XYLT1: variants seen among roughly 807,000 people sequenced by gnomAD.
The protein encoded by XYLT1 is xylosyltransferase 1, also known as beta-D-xylosyltransferase 1.
In XYLT1, 36 loss-of-function variants were observed where a neutral mutation model predicts 91.3. The observed-to-expected ratio is 0.39, with a 90% CI of 0.30 to 0.52. The LOEUF (loss-of-function observed/expected upper bound fraction) is 0.52. Ranked by LOEUF, XYLT1 falls within the 20% of genes least tolerant of loss-of-function variation. The pLI is 0.68. For synonymous variants in XYLT1, 588 were observed against 532.0 expected (o/e 1.11, Z -1.45); for missense variants, 1,242 against 1,284.5 (o/e 0.97, Z 0.51).
intron 1 of XYLT1, among the ~76,000 whole-genome samples, chr16:17,435,870 T>C (rs1293491126): frequency 6.6e-6 from 1 of 152,238 alleles, no homozygotes; most frequent in African/African-American, 2.4e-5. Context: ...GAAGAATGCA[T>C]GACTTTATTT....
At chr16:17,292,658 G>A (rs2034248721) in intron 2 of XYLT1, among the ~76,000 whole-genome samples, 1 of 152,256 alleles carries the variant, frequency 6.6e-6, no homozygotes, top group Non-Finnish European at 1.5e-5. Flanking sequence ...AGGAGACGAT[G>A]CCACCAGAAT....
chr16:17,262,465 T>G (rs941495118), intron 2 of XYLT1, among the ~76,000 whole-genome samples: 1 of 152,228 alleles, frequency 6.6e-6, no homozygotes, highest in East Asian at 1.9e-4. Context: ...TCAGTTCCCC[T>G]GCAGTGGAAT....
intron 3 of XYLT1, among the ~76,000 whole-genome samples, chr16:17,237,205 A>G (rs1333688196): frequency 1.3e-5 from 2 of 152,230 alleles, no homozygotes; most frequent in East Asian, 3.8e-4. Flanking sequence ...CTGGTATTCA[A>G]CTTACAATCC....
At chr16:17,371,227 C>G (rs2035528063) in intron 1 of XYLT1, among the ~76,000 whole-genome samples, 1 of 152,234 alleles carries the variant, frequency 6.6e-6, no homozygotes, top group South Asian at 2.1e-4. Context: ...CTGCTACATA[C>G]TTTTGACAAC....
chr16:17,412,244 C>T (rs2036119199), intron 1 of XYLT1, among the ~76,000 whole-genome samples: 1 of 151,956 alleles, frequency 6.6e-6, no homozygotes, highest in Admixed American at 6.6e-5. Context: ...ACCGTGCAGC[C>T]CAGGTCCATG....
chr16:17,145,692 C>G (rs949157582), intron 6 of XYLT1, among the ~76,000 whole-genome samples: 2 of 152,156 alleles, frequency 1.3e-5, no homozygotes, highest in African/African-American at 4.8e-5. Flanking sequence ...AGATGAGATT[C>G]CTCACTTGCA....
At position 17,101,908 on chromosome 16, in the gene XYLT1, A is replaced by G. The variant is rs1374890794; in HGVS notation, c.*6787T>C. 1 of 152,252 alleles carries G rather than the reference A, an allele frequency of 6.6e-6. No homozygotes were observed. The highest frequency in any genetic ancestry group is 1.5e-5 in the Non-Finnish European group (1 of 68,064). The allele number at this position is 152,252 out of a possible 1,614,324, so 9.4% of individuals were successfully genotyped here. A position where few individuals can be genotyped will look rare whatever the true frequency, so the allele number is the denominator to read the frequency against. On this transcript the variant is annotated 3_prime_UTR_variant, in exon 12 of 12. Coordinates refer to ENST00000261381, the MANE Select transcript of XYLT1 (RefSeq NM_022166.4). ...GTCTGGGAAATGTAGTCTCTGTGGTAAAGAGGAAAGGAAAACACGTTTGCC... is the reference window on the plus strand; with the variant it reads ...GTCTGGGAAATGTAGTCTCTGTGGTGAAGAGGAAAGGAAAACACGTTTGCC...
chr16:17,379,756 C>CTCTT (rs1555501183), intron 1 of XYLT1, among the ~76,000 whole-genome samples: 1 of 134,998 alleles, frequency 7.4e-6, no homozygotes, highest in Non-Finnish European at 1.6e-5. Context: ...CTCTCTCTCT[C>CTCTT]TCTCTCTCAC....
intron 11 of XYLT1, among the ~76,000 whole-genome samples, chr16:17,112,445 C>T (rs1411984617): frequency 6.6e-6 from 1 of 151,852 alleles, no homozygotes; most frequent in Non-Finnish European, 1.5e-5. Flanking sequence ...TCCTTAGAAA[C>T]CCTAGAAGAA....
chr16:17,203,383 G>A (rs72777756), intron 3 of XYLT1, among the ~76,000 whole-genome samples: 1 of 148,154 alleles, frequency 6.7e-6, no homozygotes, highest in African/African-American at 2.5e-5. Flanking sequence ...TTTATTCATC[G>A]ATCGAAATCC....
At chr16:17,394,501 A>T (rs567413158) in intron 1 of XYLT1, among the ~76,000 whole-genome samples, 1 of 152,326 alleles carries the variant, frequency 6.6e-6, no homozygotes, top group South Asian at 2.1e-4. Flanking sequence ...AGTGCCCTGG[A>T]GGCAGCAGTC....
At chr16:17,140,191 C>T (rs1232432874) in intron 7 of XYLT1, among the ~76,000 whole-genome samples, 1 of 152,170 alleles carries the variant, frequency 6.6e-6, no homozygotes, top group Non-Finnish European at 1.5e-5. Flanking sequence ...ATCCCCTCCC[C>T]ACTTCTAGAT....
intron 2 of XYLT1, among the ~76,000 whole-genome samples, chr16:17,263,286 C>A (rs1308237251): frequency 6.6e-6 from 1 of 152,110 alleles, no homozygotes; most frequent in African/African-American, 2.4e-5. Context: ...CTCCACCCCC[C>A]ACGGCCAATG....
In XYLT1 at chr16:17,109,108, G is replaced by A. The variant is rs924259; in HGVS notation, c.2558-91C>T. The A allele has an allele frequency of 0.016, 18,842 of 1,206,968 alleles. 2,229 individuals are homozygous for A. The African/African-American group carries it at 0.26, about 17-fold the overall frequency. The allele number at this position is 1,206,968 out of a possible 1,614,324, so 74.8% of individuals were successfully genotyped here. A position where few individuals can be genotyped will look rare whatever the true frequency, so the allele number is the denominator to read the frequency against. On this transcript the variant is annotated intron_variant, in intron 11 of 11. Transcript: ENST00000261381. ...CCCTGTGCCTGGTGCTGCACTGGGT[G>A]CCATGCATCGCCTCATTTAATTCAC... is the stretch of plus-strand genomic sequence containing the variant.
At chr16:17,160,843 G>A (rs1390132121) in intron 5 of XYLT1, among the ~76,000 whole-genome samples, 3 of 152,214 alleles carry the variant, frequency 2.0e-5, no homozygotes, top group South Asian at 2.1e-4. Context: ...AACTAAATCG[G>A]CCTATAAAAA....
intron 1 of XYLT1, among the ~76,000 whole-genome samples, chr16:17,366,894 C>T (rs762449436): frequency 3.3e-5 from 5 of 152,110 alleles, no homozygotes; most frequent in African/African-American, 4.8e-5. Context: ...CCCAGTGGTA[C>T]AACCACATCT....
At chr16:17,371,752 G>T (rs2035535465) in intron 1 of XYLT1, among the ~76,000 whole-genome samples, 1 of 152,224 alleles carries the variant, frequency 6.6e-6, no homozygotes, top group African/African-American at 2.4e-5. Context: ...AAGGTAAAAT[G>T]AGGTTTATCA....
intron 3 of XYLT1, among the ~76,000 whole-genome samples, chr16:17,229,231 C>T (rs780826625): frequency 1.3e-5 from 2 of 152,160 alleles, no homozygotes; most frequent in Non-Finnish European, 2.9e-5. Flanking sequence ...CCAGAACTGA[C>T]GTGCAAAAAA....
intron 1 of XYLT1, among the ~76,000 whole-genome samples, chr16:17,390,814 T>C (rs1040265072): frequency 1.3e-5 from 2 of 152,136 alleles, no homozygotes; most frequent in Non-Finnish European, 2.9e-5. Context: ...GATTGGTGGA[T>C]TGCCTGAGCT....
Sources: allele counts gnomAD v4.1 joint callset (sites outside exome capture counted in the v4.1 genomes callset), GRCh38; gene constraint gnomAD v4.1.1; transcripts MANE v1.5; gene names NCBI Gene and HGNC (gene_info 2026-07-23, HGNC 2026-07-21).